The following RHBDD1 variants were observed in gnomAD, a reference collection of about 807,000 sequenced individuals.
RHBDD1 encodes rhomboid-related protein 4.
Under a neutral mutation model 36.3 loss-of-function variants are expected in RHBDD1, and 38 were observed. That is an observed-to-expected ratio of 1.05 (90% CI 0.81 to 1.37). The LOEUF is 1.37. Ranked by LOEUF, RHBDD1 falls within the 40% of genes most tolerant of loss-of-function variation. The pLI, the probability that RHBDD1 is intolerant of heterozygous loss-of-function variation, is 0.00. For synonymous variants in RHBDD1, 151 were observed against 136.5 expected (o/e 1.11, Z -0.74); for missense variants, 393 against 377.6 (o/e 1.04, Z -0.34).
At chr2:226,819,076 G>A in the RHBDD1 span, among the ~76,000 whole-genome samples, 7 of 152,062 alleles carry the variant, frequency 4.6e-5, no homozygotes, top group Non-Finnish European at 4.4e-5. Flanking sequence ...CACTTGACTC[G>A]TTTATATCAC....
At chr2:226,829,440 T>C in the RHBDD1 span, among the ~76,000 whole-genome samples, 8 of 152,204 alleles carry the variant, frequency 5.3e-5, no homozygotes, top group Non-Finnish European at 1.0e-4. Context: ...GTGTATTGAA[T>C]GTATAGGTTA....
the RHBDD1 span, among the ~76,000 whole-genome samples, chr2:226,813,852 C>T: frequency 2.0e-5 from 3 of 152,128 alleles, no homozygotes; most frequent in Non-Finnish European, 4.4e-5. Flanking sequence ...GACTCCTTTG[C>T]AAAACAAAGC....
At chr2:226,904,006 C>G (rs1269028162) in intron 5 of RHBDD1, among the ~76,000 whole-genome samples, 1 of 152,152 alleles carries the variant, frequency 6.6e-6, no homozygotes, top group Non-Finnish European at 1.5e-5. Context: ...CTTCCACCTC[C>G]CCATCCATCC....
intron 8 of RHBDD1, among the ~76,000 whole-genome samples, chr2:226,919,723 T>C (rs112794434): frequency 1.3e-5 from 2 of 152,268 alleles, no homozygotes; most frequent in Admixed American, 6.5e-5. Flanking sequence ...TTGGTTATTA[T>C]AGCTTTGTAG....
chr2:226,897,693 C>T (rs146218126), intron 5 of RHBDD1, among the ~76,000 whole-genome samples: 8 of 152,158 alleles, frequency 5.3e-5, no homozygotes, highest in East Asian at 3.9e-4. Flanking sequence ...AGCTCTGGGC[C>T]GGGTGTGGTG....
intron 7 of RHBDD1, among the ~76,000 whole-genome samples, chr2:226,912,441 T>C (rs1404120623): frequency 6.6e-6 from 1 of 152,086 alleles, no homozygotes; most frequent in African/African-American, 2.4e-5. Context: ...AGTCAAAAGG[T>C]AGAAATAATA....
At chr2:226,804,420 A>T in the RHBDD1 span, 2 of 152,250 alleles carry the variant, frequency 1.3e-5, no homozygotes, top group African/African-American at 4.8e-5. Context: ...GCACAGCCTT[A>T]ACCAGTCAAC....
chr2:226,933,683 A>T (rs186083822), intron 8 of RHBDD1, among the ~76,000 whole-genome samples: 12 of 151,764 alleles, frequency 7.9e-5, no homozygotes. Context: ...CTCTGAGCCT[A>T]CTCTGGCTTG....
chr2:226,920,200 G>C (rs889944053), intron 8 of RHBDD1, among the ~76,000 whole-genome samples: 1 of 151,832 alleles, frequency 6.6e-6, no homozygotes, highest in Non-Finnish European at 1.5e-5. Flanking sequence ...CAGATTGTTT[G>C]CTGTTAGCAT....
At chr2:226,817,026 T>G in the RHBDD1 span, among the ~76,000 whole-genome samples, 1 of 152,242 alleles carries the variant, frequency 6.6e-6, no homozygotes, top group African/African-American at 2.4e-5. Context: ...AATGTATAGT[T>G]CTTGAACACA....
In RHBDD1 at chr2:226,886,722, C is replaced by G. The variant is rs1212228508; in HGVS notation, c.566+19404C>G. On this transcript the variant is annotated intron_variant, in intron 5 of 8. Coordinates refer to ENST00000392062, the MANE Select transcript of RHBDD1 (RefSeq NM_001167608.3). ...AGTCATAATCACTTGAGAACTAACT[C>G]CCTAATTAAGGGGAATTTTTTTAAA... 7.2e-5 allele frequency among the ~76,000 whole-genome samples: 11 copies of G among 152,094 alleles called. No individual in the cohort carries two copies. In the East Asian group the frequency reaches 1.7e-3, roughly 24 times the overall value.
intron 8 of RHBDD1, among the ~76,000 whole-genome samples, chr2:226,965,276 G>T (rs1177744815): frequency 6.6e-6 from 1 of 152,190 alleles, no homozygotes; most frequent in East Asian, 1.9e-4. Context: ...TAGAGGCATG[G>T]AATGGGTTCT....
intron 8 of RHBDD1, among the ~76,000 whole-genome samples, chr2:226,990,705 A>G (rs983781799): frequency 7.9e-5 from 12 of 152,188 alleles, no homozygotes; most frequent in African/African-American, 2.7e-4. Flanking sequence ...TTTTTCATCA[A>G]GAACCACAAA....
At chr2:226,897,149 A>G (rs1162386939) in intron 5 of RHBDD1, among the ~76,000 whole-genome samples, 2 of 152,166 alleles carry the variant, frequency 1.3e-5, no homozygotes, top group East Asian at 1.9e-4. Flanking sequence ...AAGCTGCTAC[A>G]TATGTGCTTG....
At chr2:226,983,822 G>A (rs529170209) in intron 8 of RHBDD1, among the ~76,000 whole-genome samples, 4 of 152,104 alleles carry the variant, frequency 2.6e-5, no homozygotes, top group Non-Finnish European at 5.9e-5. Flanking sequence ...CCATCTCTCT[G>A]GTTTGAAACT....
intron 8 of RHBDD1, among the ~76,000 whole-genome samples, chr2:226,947,712 A>C (rs1239933542): frequency 1.3e-5 from 2 of 152,218 alleles, no homozygotes; most frequent in African/African-American, 4.8e-5. Flanking sequence ...ATGAACTCAA[A>C]CAAATTTACA....
intron 1 of RHBDD1, among the ~76,000 whole-genome samples, chr2:226,837,230 A>G (rs1178321398): frequency 1.3e-5 from 2 of 152,268 alleles, no homozygotes; most frequent in Non-Finnish European, 2.9e-5. Context: ...AACACAAAAC[A>G]CATAGAAAAC....
the RHBDD1 span, among the ~76,000 whole-genome samples, chr2:226,816,992 T>C: frequency 5.7e-5 from 8 of 139,578 alleles, no homozygotes; most frequent in African/African-American, 2.0e-4. Context: ...ACATTTAAAT[T>C]GTGGTTTTCC....
intron 8 of RHBDD1, among the ~76,000 whole-genome samples, chr2:226,963,114 TTGCCAGTTGTC>T (rs1482532766): frequency 6.6e-6 from 1 of 152,100 alleles, no homozygotes; most frequent in Non-Finnish European, 1.5e-5. Context: ...TCCCCAGATG[TTGCCAGTTGTC>T]TCCTGGGGAG....
Sources: allele counts gnomAD v4.1 joint callset (sites outside exome capture counted in the v4.1 genomes callset), GRCh38; gene constraint gnomAD v4.1.1; transcripts MANE v1.5; gene names NCBI Gene and HGNC (gene_info 2026-07-23, HGNC 2026-07-21).